RANBP2: variants seen among roughly 807,000 people sequenced by gnomAD.
RANBP2 encodes the protein RAN binding protein 2.
Under a neutral mutation model 303.6 loss-of-function variants are expected in RANBP2, and 57 were observed. The ratio of observed to expected loss-of-function variants is 0.19; its 90% confidence interval spans 0.15 to 0.23. RANBP2 has a LOEUF of 0.23. RANBP2 is among the 10% of genes least tolerant of loss of function. The probability of loss-of-function intolerance (pLI) is 1.00; values close to 1 mark genes in which losing one functional copy is unlikely to be tolerated. For synonymous variants in RANBP2, 1,167 were observed against 1,301.5 expected, an observed-to-expected ratio of 0.90 and a Z score of 2.23; for missense variants, 3,138 against 3,780.8, an observed-to-expected ratio of 0.83 and a Z score of 4.46.
the RANBP2 span, among the ~76,000 whole-genome samples, chr2:109,395,884 A>G: frequency 6.6e-6 from 1 of 152,160 alleles, no homozygotes; most frequent in Non-Finnish European, 1.5e-5. Context: ...CCTGATTTTG[A>G]AAACAGTTTT....
the RANBP2 span, chr2:109,667,833 G>T: frequency 5.3e-6 from 1 of 187,120 alleles, no homozygotes; most frequent in Admixed American, 6.2e-5. Context: ...GGTGCAGAAG[G>T]CCAAGAAGCA....
chr2:109,509,463 G>A, the RANBP2 span, among the ~76,000 whole-genome samples: 2 of 152,088 alleles, frequency 1.3e-5, no homozygotes, highest in Non-Finnish European at 2.9e-5. Flanking sequence ...TCCTCGGCTT[G>A]CACACCGCCG....
At chr2:109,015,902 T>C in the RANBP2 span, among the ~76,000 whole-genome samples, 1 of 152,080 alleles carries the variant, frequency 6.6e-6, no homozygotes, top group Non-Finnish European at 1.5e-5. Flanking sequence ...TTTTGAGGAG[T>C]TGAAAGTTAG....
chr2:109,407,246 C>T, the RANBP2 span, among the ~76,000 whole-genome samples: 2 of 152,152 alleles, frequency 1.3e-5, no homozygotes, highest in African/African-American at 2.4e-5. Context: ...AATAAGCAAC[C>T]CTTGGAAATT....
chr2:109,180,100 T>G, the RANBP2 span, among the ~76,000 whole-genome samples: 6 of 151,964 alleles, frequency 3.9e-5, no homozygotes, highest in Non-Finnish European at 8.8e-5. Flanking sequence ...CTCCATGGGG[T>G]TAGGAACCAC....
the RANBP2 span, among the ~76,000 whole-genome samples, chr2:109,715,481 A>G: frequency 6.6e-6 from 1 of 152,150 alleles, no homozygotes; most frequent in South Asian, 2.1e-4. Context: ...AGGACGTTAC[A>G]AAGGATACAA....
chr2:108,763,998 T>G lies in RANBP2; in HGVS notation c.3459T>G (p.Asn1153Lys), dbSNP rs747272240. 6.2e-7 allele frequency: 1 copy of G among 1,613,872 alleles called. No homozygotes were observed. Among genetic ancestry groups the G allele is most frequent in the Non-Finnish European group, 8.5e-7 (1 of 1,179,822 alleles). The change falls in exon 20 of 29, where the codon AAT becomes AAG. Residue 1153 changes from asparagine (N) to lysine (K), a missense_variant. Asn to Lys is a moderately conservative substitution (Grantham distance 94). Transcript: ENST00000283195. ...GTPTLETANKNHETDGGSAHG... is the reference protein window; with the variant it reads ...GTPTLETANKKHETDGGSAHG... Reference sequence around the variant, plus strand: ...CCACTTTAGAGACAGCAAACAAGAATCATGAGACAGATGGAGGAAGTGCCC... The same window carrying G: ...CCACTTTAGAGACAGCAAACAAGAAGCATGAGACAGATGGAGGAAGTGCCC...
chr2:108,990,437 C>CAAAAAAAAAAAA, the RANBP2 span, among the ~76,000 whole-genome samples: 3 of 70,642 alleles, frequency 4.2e-5, no homozygotes, highest in African/African-American at 5.8e-5. Context: ...GACTCCGTCT[C>CAAAAAAAAAAAA]AAAAAAAAAA....
chr2:108,874,918 T>C, the RANBP2 span, among the ~76,000 whole-genome samples: 12 of 81,362 alleles, frequency 1.5e-4, no homozygotes, highest in African/African-American at 3.5e-4. Context: ...TCTTAATTCA[T>C]GGGATTTTTT....
chr2:108,762,056 A>G (rs1172409818), intron 18 of RANBP2, 45 bp from the exon 19 acceptor site: 1 of 1,595,224 alleles, frequency 6.3e-7, no homozygotes, highest in South Asian at 1.1e-5. Context: ...TAACTGTAGT[A>G]TAGACTTTAA....
chr2:109,567,701 G>T, the RANBP2 span: 7 of 1,074,574 alleles, frequency 6.5e-6, no homozygotes, highest in Non-Finnish European at 8.9e-6. Context: ...AATTCACCTT[G>T]TTTGAAGTCT....
chr2:109,407,563 C>A, the RANBP2 span, among the ~76,000 whole-genome samples: 494 of 152,284 alleles, frequency 3.2e-3, 1 homozygote, highest in Non-Finnish European at 4.9e-3. Context: ...GCCTGGCAGC[C>A]CCCAGACTTA....
At chr2:109,620,513 C>G in the RANBP2 span, among the ~76,000 whole-genome samples, 2 of 152,136 alleles carry the variant, frequency 1.3e-5, no homozygotes, top group Non-Finnish European at 2.9e-5. Context: ...ACCAGCCTGG[C>G]CAACATGGTG....
At chr2:108,875,550 A>G in the RANBP2 span, among the ~76,000 whole-genome samples, 2 of 152,050 alleles carry the variant, frequency 1.3e-5, no homozygotes, top group African/African-American at 4.8e-5. Context: ...ATAGGGTGCA[A>G]TTTTCAGGGT....
chr2:108,752,369 G>C (rs1450110313), intron 12 of RANBP2, among the ~76,000 whole-genome samples: 2 of 151,500 alleles, frequency 1.3e-5, no homozygotes, highest in Admixed American at 6.6e-5. Context: ...TCAGCCTTTT[G>C]AACAAACTGA....
the RANBP2 span, among the ~76,000 whole-genome samples, chr2:109,679,970 A>G: frequency 6.6e-6 from 1 of 152,274 alleles, no homozygotes; most frequent in African/African-American, 2.4e-5. Context: ...AATCAGTCAA[A>G]AGTGTTGTAT....
the RANBP2 span, among the ~76,000 whole-genome samples, chr2:109,176,198 G>A: frequency 1.3e-5 from 2 of 152,178 alleles, no homozygotes; most frequent in African/African-American, 4.8e-5. Context: ...TGGGGGAAAA[G>A]CAGACTTGTG....
intron 7 of RANBP2, among the ~76,000 whole-genome samples, chr2:108,741,790 G>T (rs1696118074): frequency 6.8e-6 from 1 of 147,124 alleles, no homozygotes; most frequent in African/African-American, 2.5e-5. Flanking sequence ...GGGATTACAG[G>T]CGTGAGCCAC....
At chr2:109,178,734 T>G in the RANBP2 span, among the ~76,000 whole-genome samples, 1 of 152,212 alleles carries the variant, frequency 6.6e-6, no homozygotes, top group African/African-American at 2.4e-5. Context: ...CATTTTTAAT[T>G]GGTGTGTCGT....
Sources: gnomAD v4.1 joint callset for allele counts (sites outside exome capture counted in the v4.1 genomes callset) on GRCh38, gnomAD v4.1.1 for gene constraint, MANE v1.5 for transcripts, NCBI Gene and HGNC (gene_info 2026-07-23, HGNC 2026-07-21) for gene names.